The following IPO11 variants were observed in gnomAD, a reference collection of about 807,000 sequenced individuals.
IPO11 encodes importin 11.
Under a neutral mutation model 143.2 loss-of-function variants are expected in IPO11, and 66 were observed. That is an observed-to-expected ratio of 0.46 (90% CI 0.38 to 0.57). The LOEUF (loss-of-function observed/expected upper bound fraction) is 0.57, where lower values mean the gene tolerates loss of function less well. Ranked by LOEUF, IPO11 falls within the 20% of genes least tolerant of loss-of-function variation. The probability of loss-of-function intolerance (pLI) is 0.00; values close to 1 mark genes in which losing one functional copy is unlikely to be tolerated. For synonymous variants in IPO11, 385 were observed against 377.8 expected, an observed-to-expected ratio of 1.02 and a Z score of -0.22; for missense variants, 1,026 against 1,141.0, an observed-to-expected ratio of 0.90 and a Z score of 1.45.
intron 19 of IPO11, among the ~76,000 whole-genome samples, chr5:62,509,539 A>G (rs1741676048): frequency 6.6e-6 from 1 of 152,210 alleles, no homozygotes; most frequent in East Asian, 1.9e-4. Context: ...TAACAAAATT[A>G]TAAGAGTAGA....
At chr5:62,519,604 T>G (rs1742139988) in intron 20 of IPO11, among the ~76,000 whole-genome samples, 1 of 152,218 alleles carries the variant, frequency 6.6e-6, no homozygotes, top group African/African-American at 2.4e-5. Context: ...TTTTATTTCT[T>G]ATACATAGTG....
chr5:62,434,914 A>G (rs1744116803), intron 1 of IPO11, among the ~76,000 whole-genome samples: 1 of 151,202 alleles, frequency 6.6e-6, no homozygotes, highest in Admixed American at 6.6e-5. Flanking sequence ...AGTCGCAGCT[A>G]CTTGGGAGGC....
At chr5:62,517,006 G>A (rs1346416481) in intron 20 of IPO11, among the ~76,000 whole-genome samples, 2 of 151,912 alleles carry the variant, frequency 1.3e-5, no homozygotes, top group Admixed American at 6.6e-5. Context: ...AGACCATCCT[G>A]GCTAACACGG....
intron 7 of IPO11, among the ~76,000 whole-genome samples, chr5:62,473,990 G>A (rs886432889): frequency 6.6e-6 from 1 of 152,042 alleles, no homozygotes; most frequent in Non-Finnish European, 1.5e-5. Flanking sequence ...CAGGATTCTG[G>A]ATAAAGCAGT....
chr5:62,437,515 G>T, intron 2 of IPO11, 98 bp downstream of exon 2: 1 of 1,053,338 alleles, frequency 9.5e-7, no homozygotes, highest in Non-Finnish European at 1.3e-6. Flanking sequence ...TAGTGAAATA[G>T]ATTCAGATGT....
In IPO11 at chr5:62,627,441, A is replaced by T. The variant is rs1214795561; in HGVS notation, c.*123A>T. 2 of 843,648 alleles carry T rather than the reference A, an allele frequency of 2.4e-6. No individual in the cohort carries two copies. Among genetic ancestry groups the T allele is most frequent in the Non-Finnish European group, 3.6e-6 (2 of 549,738 alleles). 52.3% of individuals were successfully genotyped at this position (843,648 alleles called of 1,614,324 possible). A position where few individuals can be genotyped will look rare whatever the true frequency, so the allele number is the denominator to read the frequency against. On this transcript the variant is annotated 3_prime_UTR_variant, in exon 30 of 30. Coordinates refer to ENST00000325324, the MANE Select transcript of IPO11 (RefSeq NM_016338.5). ...TCATGAAAATAAGCAAAGACCACAC[A>T]TTTTTTACTACAAAATGTAAAGGAT...
chr5:62,547,317 G>T (rs899820713), intron 24 of IPO11, among the ~76,000 whole-genome samples: 2 of 152,092 alleles, frequency 1.3e-5, no homozygotes, highest in Non-Finnish European at 2.9e-5. Flanking sequence ...AATAATATCG[G>T]ACCATTTCAT....
intron 24 of IPO11, among the ~76,000 whole-genome samples, chr5:62,538,019 T>C (rs542021391): frequency 6.6e-6 from 1 of 152,236 alleles, no homozygotes; most frequent in Non-Finnish European, 1.5e-5. Flanking sequence ...ACCTAAAGTA[T>C]AATAAAATAA....
chr5:62,419,034 C>T (rs559920355), intron 1 of IPO11: 2 of 1,551,218 alleles, frequency 1.3e-6, no homozygotes, highest in East Asian at 2.4e-5. Context: ...CTATTATACA[C>T]TTGGGCTATG....
At chr5:62,498,919 C>A (rs1161550570) in intron 16 of IPO11, among the ~76,000 whole-genome samples, 2 of 152,160 alleles carry the variant, frequency 1.3e-5, no homozygotes, top group Non-Finnish European at 2.9e-5. Flanking sequence ...ATTTAACCTT[C>A]AGTAAAACAA....
chr5:62,426,931 G>GTTTTT (rs763031944), intron 1 of IPO11, among the ~76,000 whole-genome samples: 380 of 90,176 alleles, frequency 4.2e-3, no homozygotes, highest in Non-Finnish European at 4.8e-3. Context: ...TTTTCTTTCT[G>GTTTTT]TTTTTTTTTT....
chr5:62,491,442 G>T (rs1256576486), intron 15 of IPO11, among the ~76,000 whole-genome samples: 3 of 152,118 alleles, frequency 2.0e-5, no homozygotes, highest in Non-Finnish European at 4.4e-5. Context: ...CAGTTTAGTT[G>T]TCCTTAAACC....
chr5:62,588,736 C>G (rs1744899372), intron 27 of IPO11, among the ~76,000 whole-genome samples: 1 of 152,156 alleles, frequency 6.6e-6, no homozygotes. Context: ...CTCAATTTCT[C>G]CATATGTATA....
At chr5:62,574,140 A>G (rs967116263) in intron 27 of IPO11, among the ~76,000 whole-genome samples, 3 of 152,242 alleles carry the variant, frequency 2.0e-5, no homozygotes, top group African/African-American at 7.2e-5. Flanking sequence ...GCTAGTTTCT[A>G]TATTCAATAC....
chr5:62,603,757 T>G (rs1745595013), intron 29 of IPO11, among the ~76,000 whole-genome samples: 2 of 152,198 alleles, frequency 1.3e-5, no homozygotes, highest in African/African-American at 4.8e-5. Context: ...CCAGCCCAAA[T>G]CCATTTGTTT....
intron 2 of IPO11, among the ~76,000 whole-genome samples, chr5:62,440,815 T>C (rs1744443957): frequency 2.6e-5 from 4 of 151,880 alleles, no homozygotes; most frequent in African/African-American, 9.7e-5. Context: ...ACACAAAAAT[T>C]AGCCGGGAGT....
In IPO11 at chr5:62,586,606, C is replaced by T. The variant is rs1202883961; in HGVS notation, c.2583-4971C>T. On this transcript the variant is annotated intron_variant, in intron 27 of 29. Coordinates refer to ENST00000325324, the MANE Select transcript of IPO11 (RefSeq NM_016338.5). ...ATCTCTACTAAAAATACAGAATTAG[C>T]TGAGCATGGTGGCACATGCGTGTAT... 4.6e-5 allele frequency among the ~76,000 whole-genome samples: 7 copies of T among 151,482 alleles called. 1 individual carries two copies. The South Asian group carries it at 1.5e-3, about 32-fold the overall frequency.
chr5:62,464,281 C>T (rs1372080529), intron 5 of IPO11, among the ~76,000 whole-genome samples: 3 of 150,464 alleles, frequency 2.0e-5, no homozygotes, highest in Non-Finnish European at 4.4e-5. Context: ...GCTGGGACTA[C>T]AGACGTGTAC....
chr5:62,423,599 G>A (rs1743593283), intron 1 of IPO11, among the ~76,000 whole-genome samples: 1 of 152,138 alleles, frequency 6.6e-6, no homozygotes, highest in Non-Finnish European at 1.5e-5. Flanking sequence ...CATAAAAGTA[G>A]ACAGAATTTT....
Sources: gnomAD v4.1 joint callset for allele counts (sites outside exome capture counted in the v4.1 genomes callset) on GRCh38, gnomAD v4.1.1 for gene constraint, MANE v1.5 for transcripts, NCBI Gene and HGNC (gene_info 2026-07-23, HGNC 2026-07-21) for gene names.